Variants in SPOPL observed in about 807,000 individuals in gnomAD.
SPOPL encodes speckle type BTB/POZ protein like.
SPOPL carries 23 observed loss-of-function variants against 53.8 expected under a neutral mutation model. That is an observed-to-expected ratio of 0.43 (90% CI 0.31 to 0.61). SPOPL has a LOEUF of 0.61. SPOPL is among the 20% of genes least tolerant of loss of function. The pLI, the probability that SPOPL is intolerant of heterozygous loss-of-function variation, is 0.12. For missense variants in SPOPL, 442 were observed against 466.9 expected, an observed-to-expected ratio of 0.95 and a Z score of 0.49; for synonymous variants, 164 against 149.7, an observed-to-expected ratio of 1.10 and a Z score of -0.70.
intron 8 of SPOPL, 75 bp from the exon 9 acceptor site, chr2:138,564,633 A>T: frequency 6.6e-7 from 1 of 1,510,150 alleles, no homozygotes; most frequent in Non-Finnish European, 9.0e-7. Flanking sequence ...CTTATTTTCC[A>T]AGTTGCAAAT....
chr2:138,558,324 G>T (rs1685472748), intron 5 of SPOPL, among the ~76,000 whole-genome samples: 1 of 151,906 alleles, frequency 6.6e-6, no homozygotes, highest in African/African-American at 2.4e-5. Flanking sequence ...ACCTTTTATT[G>T]ATTATTTCTT....
chr2:138,512,884 T>C (rs1684357184), intron 1 of SPOPL, among the ~76,000 whole-genome samples: 2 of 152,228 alleles, frequency 1.3e-5, no homozygotes, highest in African/African-American at 2.4e-5. Context: ...ATTTATTAAG[T>C]GTCTAGTCAT....
chr2:138,558,988 G>GA (rs761634734), intron 5 of SPOPL, 34 bp from the exon 6 acceptor site: 1 of 1,531,328 alleles, frequency 6.5e-7, no homozygotes, highest in Non-Finnish European at 8.7e-7. Flanking sequence ...ATTACTTTGT[G>GA]AAAGTGTTTT....
chr2:138,565,801 T>C (rs529010372), intron 10 of SPOPL, among the ~76,000 whole-genome samples: 6 of 151,144 alleles, frequency 4.0e-5, no homozygotes, highest in African/African-American at 1.5e-4. Flanking sequence ...TGGTGTGATC[T>C]CGGCTCACTG....
intron 1 of SPOPL, among the ~76,000 whole-genome samples, chr2:138,544,695 G>C (rs1685153602): frequency 1.3e-5 from 2 of 152,206 alleles, no homozygotes. Flanking sequence ...GTGAGGTGAT[G>C]CCTCGCTCTG....
At chr2:138,552,504 AAG>A in intron 4 of SPOPL, 48 bp from the exon 5 acceptor site, 2 of 1,564,468 alleles carry the variant, frequency 1.3e-6, no homozygotes, top group Non-Finnish European at 1.7e-6. Context: ...CATGTTTAAA[AAG>A]TCTCTTGGAT....
At chr2:138,512,446 A>G (rs1451519313) in intron 1 of SPOPL, among the ~76,000 whole-genome samples, 1 of 152,182 alleles carries the variant, frequency 6.6e-6, no homozygotes, top group Non-Finnish European at 1.5e-5. Context: ...AAAGGGTTTC[A>G]GTATTATTGA....
chr2:138,530,952 T>TGTGTG (rs1558868213), intron 1 of SPOPL, among the ~76,000 whole-genome samples: 1 of 150,882 alleles, frequency 6.6e-6, no homozygotes, highest in Admixed American at 6.6e-5. Context: ...TGTGTGTGTG[T>TGTGTG]TTTAAGACAC....
intron 1 of SPOPL, among the ~76,000 whole-genome samples, chr2:138,522,449 C>T (rs1684579550): frequency 6.6e-6 from 1 of 152,100 alleles, no homozygotes; most frequent in African/African-American, 2.4e-5. Context: ...TGTTCACCCC[C>T]ACCCTTTTTT....
At chr2:138,539,125 A>T (rs1685004938) in intron 1 of SPOPL, among the ~76,000 whole-genome samples, 1 of 152,206 alleles carries the variant, frequency 6.6e-6, no homozygotes, top group African/African-American at 2.4e-5. Context: ...TATATGTGCC[A>T]CATTCTCTTA....
At chr2:138,554,967 C>G (rs1332028459) in intron 5 of SPOPL, among the ~76,000 whole-genome samples, 1 of 152,056 alleles carries the variant, frequency 6.6e-6, no homozygotes, top group African/African-American at 2.4e-5. Context: ...TTTAAAAGAA[C>G]AGAATTTTTA....
chr2:138,540,913 TC>T (rs1307155370), intron 1 of SPOPL, among the ~76,000 whole-genome samples: 2 of 152,190 alleles, frequency 1.3e-5, no homozygotes, highest in African/African-American at 4.8e-5. Context: ...TTGAGATACT[TC>T]CCATCAATAC....
intron 1 of SPOPL, among the ~76,000 whole-genome samples, 165 bp downstream of exon 1, chr2:138,502,284 G>A (rs904597720): frequency 6.6e-6 from 1 of 152,120 alleles, no homozygotes; most frequent in Non-Finnish European, 1.5e-5. Flanking sequence ...CCTGCTCTGG[G>A]GACTACCTCC....
intron 1 of SPOPL, among the ~76,000 whole-genome samples, chr2:138,520,471 G>A (rs548022169): frequency 2.0e-4 from 30 of 152,218 alleles, no homozygotes; most frequent in African/African-American, 4.8e-4. Context: ...TCAGCTATTT[G>A]TAATTTTTAC....
chr2:138,505,649 C>G (rs1218959944), intron 1 of SPOPL, among the ~76,000 whole-genome samples: 1 of 149,488 alleles, frequency 6.7e-6, no homozygotes, highest in Non-Finnish European at 1.5e-5. Flanking sequence ...GTGGCACACA[C>G]CTGTAGTCCC....
At position 138,571,566 on chromosome 2, in the gene SPOPL, G is replaced by T. The variant is rs986907425; in HGVS notation, c.*2486G>T. On this transcript the variant is annotated 3_prime_UTR_variant, in exon 11 of 11. Transcript: ENST00000280098. Reference sequence around the variant, plus strand: ...TTTTTATTTATTATGTATATTTTTGGTATTGTGGGTTCTTGAGGCAATGAT... The same window carrying T: ...TTTTTATTTATTATGTATATTTTTGTTATTGTGGGTTCTTGAGGCAATGAT... The T allele has an allele frequency of 3.9e-5, 6 of 152,308 alleles. No homozygotes were observed. The highest frequency in any genetic ancestry group is 1.5e-4 in the African/African-American group (6 of 41,366). 9.4% of individuals were successfully genotyped at this position (152,308 alleles called of 1,614,324 possible). A position where few individuals can be genotyped will look rare whatever the true frequency, so the allele number is the denominator to read the frequency against.
At chr2:138,515,258 C>T (rs1267248774) in intron 1 of SPOPL, among the ~76,000 whole-genome samples, 1 of 152,114 alleles carries the variant, frequency 6.6e-6, no homozygotes, top group East Asian at 1.9e-4. Context: ...TTTTATTTGA[C>T]TGAGTGAGTT....
At chr2:138,508,514 A>G (rs1038995125) in intron 1 of SPOPL, among the ~76,000 whole-genome samples, 12 of 152,002 alleles carry the variant, frequency 7.9e-5, no homozygotes, top group African/African-American at 2.9e-4. Context: ...TATTTTTAGT[A>G]GAGATGGGGT....
At chr2:138,544,655 G>C (rs1685152342) in intron 1 of SPOPL, among the ~76,000 whole-genome samples, 2 of 152,312 alleles carry the variant, frequency 1.3e-5, no homozygotes, top group South Asian at 4.1e-4. Flanking sequence ...GACTAGGAAA[G>C]GGAATTCCCT....
Sources: gnomAD v4.1 joint callset for allele counts (sites outside exome capture counted in the v4.1 genomes callset) on GRCh38, gnomAD v4.1.1 for gene constraint, MANE v1.5 for transcripts, NCBI Gene and HGNC (gene_info 2026-07-23, HGNC 2026-07-21) for gene names.